CYB5B: variants seen among roughly 807,000 people sequenced by gnomAD.
The protein encoded by CYB5B is cytochrome b5 type B.
CYB5B carries 14 observed loss-of-function variants against 21.3 expected under a neutral mutation model. The ratio of observed to expected loss-of-function variants is 0.66; its 90% CI spans 0.43 to 1.03. CYB5B has a LOEUF of 1.03. Among genes scored for constraint, CYB5B ranks in the 50% least tolerant of loss-of-function variants. The pLI is 0.00. For synonymous variants in CYB5B, 69 were observed against 68.4 expected, an observed-to-expected ratio of 1.01 and a Z score of -0.04; for missense variants, 166 against 185.1, an observed-to-expected ratio of 0.90 and a Z score of 0.60.
intron 1 of CYB5B, among the ~76,000 whole-genome samples, chr16:69,437,917 T>G (rs2014777660): frequency 6.6e-6 from 1 of 152,210 alleles, no homozygotes; most frequent in Non-Finnish European, 1.5e-5. Flanking sequence ...GTGTTTTGTT[T>G]TATTTTTATT....
chr16:69,447,944 A>G (rs1481878750), intron 2 of CYB5B, among the ~76,000 whole-genome samples, 171 bp from the exon 3 acceptor site: 1 of 151,926 alleles, frequency 6.6e-6, no homozygotes, highest in Non-Finnish European at 1.5e-5. Flanking sequence ...CATTCTAACA[A>G]GGGACTCTGA....
intron 2 of CYB5B, 141 bp downstream of exon 2, chr16:69,447,419 A>G: frequency 8.7e-7 from 1 of 1,154,956 alleles, no homozygotes. Flanking sequence ...AGGCAGGCGG[A>G]TCACTTGAGG....
At chr16:69,426,648 T>C (rs1487225778) in intron 1 of CYB5B, among the ~76,000 whole-genome samples, 1 of 134,796 alleles carries the variant, frequency 7.4e-6, no homozygotes, top group Non-Finnish European at 1.5e-5. Flanking sequence ...GAGATTGCAG[T>C]GAGCCATGAT....
chr16:69,438,494 A>G (rs544110828), intron 1 of CYB5B, among the ~76,000 whole-genome samples: 1 of 151,620 alleles, frequency 6.6e-6, no homozygotes, highest in East Asian at 1.9e-4. Flanking sequence ...CAGCTGCACT[A>G]TTTTATATTC....
At chr16:69,435,880 C>T (rs2142812481) in intron 1 of CYB5B, among the ~76,000 whole-genome samples, 1 of 152,250 alleles carries the variant, frequency 6.6e-6, no homozygotes, top group South Asian at 2.1e-4. Flanking sequence ...CTCAGGTGAT[C>T]CTCCTGGCTC....
chr16:69,424,966 G>A, intron 1 of CYB5B, 109 bp downstream of exon 1: 1 of 1,160,214 alleles, frequency 8.6e-7, no homozygotes, highest in Non-Finnish European at 1.1e-6. Context: ...GCGATAAGGC[G>A]TAAGAAAGGG....
At chr16:69,451,994 A>G (rs999894861) in intron 3 of CYB5B, among the ~76,000 whole-genome samples, 2 of 149,904 alleles carry the variant, frequency 1.3e-5, no homozygotes, top group Non-Finnish European at 3.0e-5. Context: ...TGAGACTTTT[A>G]GTTCCCCTTC....
chr16:69,434,792 G>C (rs1282804046), intron 1 of CYB5B, among the ~76,000 whole-genome samples: 1 of 151,330 alleles, frequency 6.6e-6, no homozygotes, highest in Non-Finnish European at 1.5e-5. Context: ...GAACCCGGGA[G>C]GTGGAGGTTG....
intron 1 of CYB5B, among the ~76,000 whole-genome samples, chr16:69,426,165 C>A (rs1043392901): frequency 6.8e-6 from 1 of 147,886 alleles, no homozygotes; most frequent in African/African-American, 2.5e-5. Context: ...TTTGAGAGGC[C>A]GAGACGGGCG....
intron 1 of CYB5B, 78 bp from the exon 2 acceptor site, chr16:69,447,072 A>T: frequency 6.6e-7 from 1 of 1,512,030 alleles, no homozygotes; most frequent in Non-Finnish European, 9.0e-7. Context: ...GGAGAAAGGA[A>T]GAAGGGGGTA....
chr16:69,459,316 A>C, intron 4 of CYB5B, 195 bp downstream of exon 4: 2 of 660,428 alleles, frequency 3.0e-6, no homozygotes, highest in Non-Finnish European at 4.8e-6. Flanking sequence ...ATTTTGAATA[A>C]TCTAAAAGTT....
At position 69,462,622 on chromosome 16, in the gene CYB5B, C is replaced by A; in HGVS notation, c.*102C>A. On this transcript the variant is annotated 3_prime_UTR_variant, in exon 5 of 5. Transcript: ENST00000307892. ...CCCTCTCCTCGAATCCTGCCAGTTG[C>A]ATTCTTCCCCCTTGGAGCCAAGACG... The A allele has an allele frequency of 1.1e-6, 1 of 927,390 alleles. No homozygotes were observed. 57.4% of individuals were successfully genotyped at this position (927,390 alleles called of 1,614,324 possible). A position where few individuals can be genotyped will look rare whatever the true frequency, so the allele number is the denominator to read the frequency against.
In CYB5B at chr16:69,424,652, C is replaced by A. The variant is rs369384742; in HGVS notation, c.-32C>A. 6.6e-7 allele frequency: 1 copy of A among 1,504,118 alleles called. No individual in the cohort carries two copies. Among genetic ancestry groups the A allele is most frequent in the South Asian group, 1.3e-5 (1 of 76,784 alleles). The allele number at this position is 1,504,118 out of a possible 1,614,324, so 93.2% of individuals were successfully genotyped here. On this transcript the variant is annotated 5_prime_UTR_variant, in exon 1 of 5. Transcript: ENST00000307892. ...AGCGCGGGCTCTCAAGGAAAGTAGT[C>A]GCGGAATCTCAGTTAGCGGTGGAGA...
chr16:69,447,307 A>G, intron 2 of CYB5B, 29 bp downstream of exon 2: 1 of 1,607,274 alleles, frequency 6.2e-7, no homozygotes, highest in Non-Finnish European at 8.5e-7. Flanking sequence ...GGGAGCCCTT[A>G]TGCAGAGAAA....
chr16:69,447,354 AT>A (rs1448206831), intron 2 of CYB5B, 76 bp downstream of exon 2: 1 of 1,547,422 alleles, frequency 6.5e-7, no homozygotes, highest in East Asian at 2.3e-5. Context: ...GAAGAAATGA[AT>A]TATTGGCTGG....
intron 1 of CYB5B, among the ~76,000 whole-genome samples, chr16:69,442,393 A>T (rs1007616028): frequency 1.3e-5 from 2 of 152,176 alleles, no homozygotes; most frequent in Non-Finnish European, 2.9e-5. Flanking sequence ...CCTGTAAATC[A>T]TCCAGCACAC....
intron 3 of CYB5B, among the ~76,000 whole-genome samples, chr16:69,456,066 A>G (rs2014981373): frequency 6.6e-6 from 1 of 152,210 alleles, no homozygotes; most frequent in Non-Finnish European, 1.5e-5. Context: ...AGCTTTATAA[A>G]TATTCTATTC....
At chr16:69,446,167 G>A (rs2014876252) in intron 1 of CYB5B, among the ~76,000 whole-genome samples, 1 of 151,998 alleles carries the variant, frequency 6.6e-6, no homozygotes, top group Non-Finnish European at 1.5e-5. Flanking sequence ...CATTTAATAT[G>A]TACAATAGTT....
At chr16:69,425,794 G>A (rs1043444069) in intron 1 of CYB5B, among the ~76,000 whole-genome samples, 25 of 152,126 alleles carry the variant, frequency 1.6e-4, no homozygotes, top group African/African-American at 5.6e-4. Flanking sequence ...GATTTTCGGT[G>A]TGTGTATGTT....
Sources: allele counts gnomAD v4.1 joint callset (sites outside exome capture counted in the v4.1 genomes callset), GRCh38; gene constraint gnomAD v4.1.1; transcripts MANE v1.5; gene names NCBI Gene and HGNC (gene_info 2026-07-23, HGNC 2026-07-21).